The following FRAS1 variants were observed in gnomAD, a reference collection of about 807,000 sequenced individuals.
FRAS1 encodes extracellular matrix organizing protein FRAS1.
Under a neutral mutation model 435.2 loss-of-function variants are expected in FRAS1, and 290 were observed. The observed-to-expected ratio is 0.67, with a 90% CI of 0.61 to 0.73. The LOEUF is 0.73. Ranked by LOEUF, FRAS1 falls within the 30% of genes least tolerant of loss-of-function variation. FRAS1 has a pLI of 0.00. For missense variants in FRAS1, 4,860 were observed against 5,001.5 expected, an observed-to-expected ratio of 0.97 and a Z score of 0.85; for synonymous variants, 1,800 against 1,851.0, an observed-to-expected ratio of 0.97 and a Z score of 0.71.
intron 2 of FRAS1, among the ~76,000 whole-genome samples, chr4:78,080,065 C>G (rs1740826812): frequency 6.6e-6 from 1 of 152,054 alleles, no homozygotes; most frequent in Non-Finnish European, 1.5e-5. Context: ...CCCCTTTGGC[C>G]CCAAAGGGGC....
intron 2 of FRAS1, among the ~76,000 whole-genome samples, chr4:78,097,303 C>T (rs749232368): frequency 9.9e-5 from 15 of 152,196 alleles, no homozygotes; most frequent in Non-Finnish European, 1.8e-4. Context: ...AACTTTCTCA[C>T]ATTTTTTCCT....
chr4:78,226,071 C>T (rs1724256737), intron 2 of FRAS1, among the ~76,000 whole-genome samples: 1 of 151,870 alleles, frequency 6.6e-6, no homozygotes, highest in African/African-American at 2.4e-5. Context: ...TAGTGGTTAC[C>T]CTAGATATTA....
chr4:78,324,708 C>CTTTTTTTTTT (rs139942839), intron 18 of FRAS1, among the ~76,000 whole-genome samples: 22 of 88,092 alleles, frequency 2.5e-4, no homozygotes, highest in African/African-American at 4.7e-4. Context: ...GCTCAGATTC[C>CTTTTTTTTTT]TTTTTTTTTT....
At chr4:78,073,491 G>T (rs946899042) in intron 2 of FRAS1, among the ~76,000 whole-genome samples, 1 of 151,982 alleles carries the variant, frequency 6.6e-6, no homozygotes, top group Non-Finnish European at 1.5e-5. Flanking sequence ...TTAAGTTTGT[G>T]ACATTTTCAC....
chr4:78,268,641 G>A (rs1197254102), intron 9 of FRAS1, among the ~76,000 whole-genome samples: 1 of 152,296 alleles, frequency 6.6e-6, no homozygotes, highest in African/African-American at 2.4e-5. Context: ...TTCTGGTAGG[G>A]TGGGCCCTTT....
intron 53 of FRAS1, among the ~76,000 whole-genome samples, chr4:78,475,057 G>A (rs776857015): frequency 7.9e-5 from 12 of 152,202 alleles, no homozygotes; most frequent in Non-Finnish European, 1.6e-4. Context: ...TGCCTTCAGA[G>A]CAGCTTTCTT....
At chr4:78,519,062 C>T (rs532503644) in intron 66 of FRAS1, among the ~76,000 whole-genome samples, 2 of 151,850 alleles carry the variant, frequency 1.3e-5, no homozygotes, top group South Asian at 4.2e-4. Context: ...GCTCATTCTC[C>T]CACTTCAAAA....
chr4:78,125,391 G>T (rs1311893353), intron 2 of FRAS1, among the ~76,000 whole-genome samples: 2 of 152,156 alleles, frequency 1.3e-5, no homozygotes, highest in Non-Finnish European at 2.9e-5. Flanking sequence ...CATTTGCTGA[G>T]GAGTGTTTTA....
In FRAS1 at chr4:78,379,154, G is replaced by A. The variant is rs1731906736; in HGVS notation, c.3293-572G>A. ...TTTTAAGAAAAGGTTGGCACACGGA[G>A]GGCAGCTGAAAGGAAAGCTGGAGCT... On this transcript the variant is annotated intron_variant, in intron 26 of 73. Transcript: ENST00000512123. The A allele has an allele frequency of 2.6e-5, 4 of 152,784 alleles. No homozygotes were observed. In the Admixed American group the frequency reaches 2.6e-4, roughly 10 times the overall value. 9.5% of individuals were successfully genotyped at this position (152,784 alleles called of 1,614,324 possible). A position where few individuals can be genotyped will look rare whatever the true frequency, so the allele number is the denominator to read the frequency against.
At chr4:78,450,753 A>G (rs1273746760) in intron 45 of FRAS1, among the ~76,000 whole-genome samples, 2 of 152,218 alleles carry the variant, frequency 1.3e-5, no homozygotes, top group African/African-American at 2.4e-5. Context: ...TGAACTAAGC[A>G]AAATGGAAGG....
At chr4:78,345,284 T>TC (rs1486631742) in intron 20 of FRAS1, among the ~76,000 whole-genome samples, 1 of 152,166 alleles carries the variant, frequency 6.6e-6, no homozygotes, top group African/African-American at 2.4e-5. Context: ...TGCTGGTAAT[T>TC]CCCATTTTGT....
chr4:78,242,908 G>A (rs1454895), intron 3 of FRAS1, among the ~76,000 whole-genome samples: 144,456 of 152,292 alleles, frequency 0.95, 68,865 homozygotes, highest in Non-Finnish European at 1. Flanking sequence ...TTCTATATCC[G>A]TATCTTATAT....
At chr4:78,491,542 A>G (rs1720353250) in intron 59 of FRAS1, among the ~76,000 whole-genome samples, 1 of 152,224 alleles carries the variant, frequency 6.6e-6, no homozygotes, top group Non-Finnish European at 1.5e-5. Context: ...AACAGAACCA[A>G]TGACAAAACC....
intron 20 of FRAS1, among the ~76,000 whole-genome samples, chr4:78,346,192 G>GT (rs1352866756): frequency 6.6e-6 from 1 of 152,148 alleles, no homozygotes; most frequent in African/African-American, 2.4e-5. Context: ...CTTTTAATAG[G>GT]TAAAAACAGT....
chr4:78,509,147 C>T, intron 63 of FRAS1, 141 bp downstream of exon 63: 1 of 912,214 alleles, frequency 1.1e-6, no homozygotes, highest in Non-Finnish European at 1.6e-6. Context: ...AGTCTTTTTA[C>T]TCTTATACAT....
chr4:78,317,115 T>C (rs345516), intron 16 of FRAS1, among the ~76,000 whole-genome samples: 1 of 152,196 alleles, frequency 6.6e-6, no homozygotes, highest in African/African-American at 2.4e-5. Context: ...AAAGTGACAA[T>C]GTGTAGAAAG....
chr4:78,196,371 A>G (rs1385906464), intron 2 of FRAS1, among the ~76,000 whole-genome samples: 2 of 152,204 alleles, frequency 1.3e-5, no homozygotes, highest in Non-Finnish European at 2.9e-5. Context: ...CTGGTACAGT[A>G]AAACATCTAT....
chr4:78,511,129 A>T (rs1214270805), intron 63 of FRAS1, 145 bp from the exon 64 acceptor site: 3 of 706,756 alleles, frequency 4.2e-6, no homozygotes, highest in East Asian at 5.5e-5. Flanking sequence ...TTAAAAGTCA[A>T]TAATTACGTG....
At chr4:78,497,778 C>T (rs1720548666) in intron 60 of FRAS1, among the ~76,000 whole-genome samples, 1 of 152,154 alleles carries the variant, frequency 6.6e-6, no homozygotes, top group Admixed American at 6.5e-5. Flanking sequence ...CTTAAGTATA[C>T]TCTTAAGTGA....
Sources: allele counts gnomAD v4.1 joint callset (sites outside exome capture counted in the v4.1 genomes callset), GRCh38; gene constraint gnomAD v4.1.1; transcripts MANE v1.5; gene names NCBI Gene and HGNC (gene_info 2026-07-23, HGNC 2026-07-21).